Variants in MSI1 observed in about 807,000 individuals in gnomAD.
The protein encoded by MSI1 is RNA-binding protein Musashi homolog 1.
In MSI1, 15 loss-of-function variants were observed where a neutral mutation model predicts 54.4. The observed-to-expected ratio is 0.28, with a 90% CI of 0.18 to 0.42. The LOEUF is 0.42. MSI1 is among the 20% of genes least tolerant of loss of function. The pLI, the probability that MSI1 is intolerant of heterozygous loss-of-function variation, is 1.00. For synonymous variants in MSI1, 200 were observed against 196.5 expected (o/e 1.02, Z -0.15); for missense variants, 304 against 506.0 (o/e 0.60, Z 3.83).
chr12:120,353,333 T>C lies in MSI1; in HGVS notation c.699A>G (p.Thr233=). ...QATTYASRSY[T]GLAPGYTYQF... ...GGTAGGTGTAGCCAGGGGCGAGGCC[T>C]GTATAACTCCGGCTGGCGTAGGTTG... Residue 233 remains threonine, a synonymous_variant, in exon 10 of 15, where the codon ACA becomes ACG. Coordinates refer to ENST00000257552, the MANE Select transcript of MSI1 (RefSeq NM_002442.4). 6.2e-7 allele frequency: 1 copy of C among 1,614,036 alleles called. No homozygotes were observed. The highest frequency in any genetic ancestry group is 8.5e-7 in the Non-Finnish European group (1 of 1,179,994).
chr12:120,358,963 C>T lies in MSI1; in HGVS notation c.451+42G>A, dbSNP rs773246635. The T allele has an allele frequency of 4.6e-5, 71 of 1,557,008 alleles. 2 individuals are homozygous for T. The South Asian group carries it at 8.1e-4, about 18-fold the overall frequency. On this transcript the variant is annotated intron_variant, in intron 7 of 14. Coordinates refer to ENST00000257552, the MANE Select transcript of MSI1 (RefSeq NM_002442.4). ...CTGTGACCTGCAGCCCCCTGGCTGA[C>T]CACGGGGCCCAGCCTGGGAAGGGGG...
chr12:120,369,120 A>C lies in MSI1; in HGVS notation c.-29T>G. ...GAGCCGCGGGCGGCGCGGGCAGCGG[A>C]GCGGCGGCGGCGGCGGCGGCGGCGG... On this transcript the variant is annotated 5_prime_UTR_variant, in exon 1 of 15. Transcript: ENST00000257552. The C allele has an allele frequency of 1.0e-6, 1 of 1,003,180 alleles. No homozygotes were observed. The highest frequency in any genetic ancestry group is 1.2e-6 in the Non-Finnish European group (1 of 846,804). The allele number at this position is 1,003,180 out of a possible 1,614,324, so 62.1% of individuals were successfully genotyped here. A position where few individuals can be genotyped will look rare whatever the true frequency, so the allele number is the denominator to read the frequency against.
chr12:120,342,857 TAATCCAA>T lies in MSI1; in HGVS notation c.*263_*269del, dbSNP rs980645770. The stretch of plus-strand genomic sequence containing the variant: ...CAGAGGGCTGGGGTGGGCAACCGGC[TAATCCAA>T]AATAAATAAAAGCAGGGCCGGGAGA... On this transcript the variant is annotated 3_prime_UTR_variant, in exon 15 of 15. Coordinates refer to ENST00000257552, the MANE Select transcript of MSI1 (RefSeq NM_002442.4). 23 of 65,418 alleles carry T rather than the reference TAATCCAA, an allele frequency of 3.5e-4. No homozygotes were observed. The highest frequency in any genetic ancestry group is 6.5e-4 in the Non-Finnish European group (23 of 35,446). The allele number at this position is 65,418 out of a possible 1,614,324, so 4.1% of individuals were successfully genotyped here.
Position 120,369,037 on chromosome 12 carries a change from G to A in MSI1, c.55C>T (p.Pro19Ser). The change falls in exon 1 of 15, where the codon CCC becomes TCC. Residue 19 changes from proline (P) to serine (S), a missense_variant. Physicochemically the swap from Pro to Ser is moderately conservative, Grantham distance 74 (BLOSUM62 -1). Transcript: ENST00000257552. ...GLASPDSPHD[P>S]CKMFIGGLSW... Reference sequence around the variant, plus strand: ...GCAGGCCGGGCCGGGCCGTACCAGGGGTCGTGCGGCGAGTCCGGGGAGGCG... The same window carrying A: ...GCAGGCCGGGCCGGGCCGTACCAGGAGTCGTGCGGCGAGTCCGGGGAGGCG... The A allele has an allele frequency of 9.6e-7, 1 of 1,039,794 alleles. No individual in the cohort carries two copies. Among genetic ancestry groups the A allele is most frequent in the Non-Finnish European group, 1.2e-6 (1 of 866,818 alleles). The allele number at this position is 1,039,794 out of a possible 1,614,324, so 64.4% of individuals were successfully genotyped here. A position where few individuals can be genotyped will look rare whatever the true frequency, so the allele number is the denominator to read the frequency against.
Position 120,345,577 on chromosome 12 carries a change from C to T in MSI1, c.*14G>A. 6.2e-7 allele frequency: 1 copy of T among 1,613,780 alleles called. No individual in the cohort carries two copies. ...CCACCCCCACATCCTCACCTCCTGC[C>T]ACCGTCCCCTGCTTCAGTGGTACCC... On this transcript the variant is annotated 3_prime_UTR_variant, in exon 14 of 15. Transcript: ENST00000257552.
intron 4 of MSI1, among the ~76,000 whole-genome samples, chr12:120,365,157 C>T (rs962198749): frequency 1.6e-4 from 24 of 152,098 alleles, no homozygotes; most frequent in East Asian, 5.8e-4. Context: ...GTGAGCCGCC[C>T]GCCTCAGCCT....
At chr12:120,346,393 G>A (rs1592923308) in intron 12 of MSI1, 71 bp from the exon 13 acceptor site, 1 of 1,397,306 alleles carries the variant, frequency 7.2e-7, no homozygotes, top group Admixed American at 2.9e-5. Flanking sequence ...CCTCAAGCCT[G>A]TCCCACCCAC....
At position 120,364,795 on chromosome 12, in the gene MSI1, G is replaced by A. The variant is rs201453707; in HGVS notation, c.268-40C>T. 1.5e-4 allele frequency: 237 copies of A among 1,568,534 alleles called. No individual in the cohort carries two copies. In the African/African-American group the frequency reaches 2.5e-3, roughly 16 times the overall value. On this transcript the variant is annotated intron_variant, in intron 4 of 14. Coordinates refer to ENST00000257552, the MANE Select transcript of MSI1 (RefSeq NM_002442.4). ...AGAGGTAGAAGGGGTCTTGGTTATC[G>A]CATTTTTAGAAGAGCGACCACACAG...
At chr12:120,363,268 C>CCG (rs1736149658) in intron 5 of MSI1, 133 bp from the exon 6 acceptor site, 2 of 668,708 alleles carry the variant, frequency 3.0e-6, no homozygotes, top group African/African-American at 3.8e-5. Context: ...AAGGCCCCCC[C>CCG]CCCGCAAGCT....
intron 6 of MSI1, among the ~76,000 whole-genome samples, chr12:120,361,721 G>A (rs920080988): frequency 6.6e-6 from 1 of 150,992 alleles, no homozygotes; most frequent in Admixed American, 6.6e-5. Context: ...CCCTCGATCC[G>A]GGCGGGGGGC....
chr12:120,347,688 C>T (rs963828227), intron 11 of MSI1, among the ~76,000 whole-genome samples, 174 bp from the exon 12 acceptor site: 2 of 152,186 alleles, frequency 1.3e-5, no homozygotes, highest in Admixed American at 6.5e-5. Flanking sequence ...TGTGTCCTGA[C>T]CTGTGGCATG....
chr12:120,352,922 C>T (rs1874753091), intron 10 of MSI1, among the ~76,000 whole-genome samples: 1 of 152,136 alleles, frequency 6.6e-6, no homozygotes, highest in Non-Finnish European at 1.5e-5. Context: ...TAGAGCCTGG[C>T]CATTATAGGT....
chr12:120,352,450 C>T (rs1006125909), intron 10 of MSI1, among the ~76,000 whole-genome samples: 1 of 152,050 alleles, frequency 6.6e-6, no homozygotes, highest in Non-Finnish European at 1.5e-5. Flanking sequence ...ATAGGTCAGG[C>T]TTGGGTTCAA....
intron 7 of MSI1, among the ~76,000 whole-genome samples, chr12:120,358,573 A>G (rs1875341704): frequency 6.6e-6 from 1 of 152,202 alleles, no homozygotes; most frequent in Admixed American, 6.5e-5. Flanking sequence ...GGTGGCGCAC[A>G]CGCACACGGT....
intron 6 of MSI1, among the ~76,000 whole-genome samples, chr12:120,362,164 C>T (rs892579762): frequency 2.4e-4 from 36 of 152,130 alleles, no homozygotes; most frequent in Middle Eastern, 3.4e-3. Context: ...CACCTCCCCC[C>T]CCCACACAAT....
intron 10 of MSI1, among the ~76,000 whole-genome samples, chr12:120,352,373 TTG>T (rs372263696): frequency 4.0e-5 from 6 of 150,250 alleles, no homozygotes; most frequent in African/African-American, 7.3e-5. Flanking sequence ...CCTCTTCTTC[TTG>T]TGTGTGTGTG....
At chr12:120,350,199 T>C (rs191462735) in intron 11 of MSI1, among the ~76,000 whole-genome samples, 96 of 151,974 alleles carry the variant, frequency 6.3e-4, no homozygotes, top group African/African-American at 2.3e-3. Context: ...TAGTTTTTTA[T>C]TTTTTTTAGT....
downstream of MSI1, among the ~76,000 whole-genome samples, chr12:120,340,089 C>CTTT (rs11399604): frequency 4.1e-5 from 6 of 144,732 alleles, no homozygotes; most frequent in Non-Finnish European, 3.0e-5. Flanking sequence ...GCCAAAATAG[C>CTTT]TTTTTTTTTT....
intron 4 of MSI1, among the ~76,000 whole-genome samples, chr12:120,366,847 C>G (rs1030667037): frequency 6.6e-6 from 1 of 152,134 alleles, no homozygotes; most frequent in African/African-American, 2.4e-5. Context: ...CCCCCAGCCC[C>G]TAAATCTCAG....
Sources: gnomAD v4.1 joint callset for allele counts (sites outside exome capture counted in the v4.1 genomes callset) on GRCh38, gnomAD v4.1.1 for gene constraint, MANE v1.5 for transcripts, NCBI Gene and HGNC (gene_info 2026-07-23, HGNC 2026-07-21) for gene names.